The following SGCZ variants were observed in gnomAD, a reference collection of about 807,000 sequenced individuals.
SGCZ encodes sarcoglycan zeta, also known as zeta-sarcoglycan.
In SGCZ, 40 loss-of-function variants were observed where a neutral mutation model predicts 41.3. The observed-to-expected ratio is 0.97, with a 90% CI of 0.75 to 1.26. The LOEUF (loss-of-function observed/expected upper bound fraction) is 1.26. Ranked by LOEUF, SGCZ falls within the 50% of genes most tolerant of loss-of-function variation. The pLI, the probability that SGCZ is intolerant of heterozygous loss-of-function variation, is 0.00. For missense variants in SGCZ, 552 were observed against 369.8 expected (o/e 1.49, Z -4.04); for synonymous variants, 206 against 137.5 (o/e 1.50, Z -3.49).
At chr8:15,173,159 A>G (rs1401458708) in intron 1 of SGCZ, among the ~76,000 whole-genome samples, 2 of 152,226 alleles carry the variant, frequency 1.3e-5, no homozygotes, top group Non-Finnish European at 2.9e-5. Flanking sequence ...CTGACTTACT[A>G]TTTGTGTGAC....
chr8:14,455,485 C>G (rs1800715527), intron 2 of SGCZ, among the ~76,000 whole-genome samples: 1 of 151,178 alleles, frequency 6.6e-6, no homozygotes, highest in South Asian at 2.1e-4. Flanking sequence ...CACACACACA[C>G]ACACACGCAT....
intron 2 of SGCZ, among the ~76,000 whole-genome samples, chr8:14,534,816 T>C (rs1235331537): frequency 6.6e-6 from 1 of 151,984 alleles, no homozygotes; most frequent in Non-Finnish European, 1.5e-5. Flanking sequence ...CTGATACTAC[T>C]AATATTGTGA....
At chr8:14,701,214 G>A (rs779663015) in intron 1 of SGCZ, among the ~76,000 whole-genome samples, 20 of 151,926 alleles carry the variant, frequency 1.3e-4, no homozygotes, top group Non-Finnish European at 2.9e-4. Context: ...AAAGGTAGTT[G>A]CAGCATGGGA....
intron 1 of SGCZ, among the ~76,000 whole-genome samples, chr8:14,990,552 G>C (rs1801976329): frequency 6.6e-6 from 1 of 151,928 alleles, no homozygotes. Context: ...TGCTCCTTAT[G>C]AGAATCCAAT....
At chr8:14,878,874 A>G (rs1037844746) in intron 1 of SGCZ, among the ~76,000 whole-genome samples, 1 of 152,210 alleles carries the variant, frequency 6.6e-6, no homozygotes, top group African/African-American at 2.4e-5. Context: ...ATGTGAATAC[A>G]TTAGTGAAAG....
chr8:14,971,971 G>T (rs536252935), intron 1 of SGCZ, among the ~76,000 whole-genome samples: 2 of 152,006 alleles, frequency 1.3e-5, no homozygotes, highest in Admixed American at 6.6e-5. Context: ...GTGTCCATGT[G>T]CATAAGGTAT....
At chr8:15,194,483 T>C (rs1800654049) in intron 1 of SGCZ, among the ~76,000 whole-genome samples, 2 of 152,176 alleles carry the variant, frequency 1.3e-5, no homozygotes, top group Admixed American at 1.3e-4. Flanking sequence ...CACCTTACCT[T>C]GCAAAAGGGA....
At chr8:15,220,738 C>T (rs948413972) in intron 1 of SGCZ, among the ~76,000 whole-genome samples, 5 of 152,068 alleles carry the variant, frequency 3.3e-5, no homozygotes, top group African/African-American at 1.2e-4. Context: ...GCACTATTTA[C>T]AATAGCAAAG....
chr8:15,015,464 C>T (rs1276793022), intron 1 of SGCZ, among the ~76,000 whole-genome samples: 4 of 151,936 alleles, frequency 2.6e-5, no homozygotes, highest in East Asian at 1.9e-4. Flanking sequence ...CTTTGGGAGG[C>T]CAAGGCGGGT....
At position 14,217,637 on chromosome 8, in the gene SGCZ, T is replaced by G. The variant is rs566972233; in HGVS notation, c.424+19955A>C. On this transcript the variant is annotated intron_variant, in intron 4 of 7. Coordinates refer to ENST00000382080, the MANE Select transcript of SGCZ (RefSeq NM_139167.4). ...TTTAAATTCAACTAAAGTTTTTTTTTTTTTTTTTTTTTTTGAGACAGAGTC... is the reference window on the plus strand; with the variant it reads ...TTTAAATTCAACTAAAGTTTTTTTTGTTTTTTTTTTTTTTGAGACAGAGTC... 7.2e-3 allele frequency among the ~76,000 whole-genome samples: 935 copies of G among 129,866 alleles called. 7 individuals carry two copies. The highest frequency in any genetic ancestry group is 0.011 in the Non-Finnish European group (643 of 56,226). 85.2% of individuals were successfully genotyped at this position (129,866 alleles called of 152,430 possible).
chr8:14,917,759 T>C (rs1428506380), intron 1 of SGCZ, among the ~76,000 whole-genome samples: 1 of 152,122 alleles, frequency 6.6e-6, no homozygotes, highest in Non-Finnish European at 1.5e-5. Flanking sequence ...ATGCTTTCTG[T>C]CTTCATTTGG....
At chr8:14,420,234 T>C (rs1585485533) in intron 2 of SGCZ, among the ~76,000 whole-genome samples, 1 of 152,054 alleles carries the variant, frequency 6.6e-6, no homozygotes, top group African/African-American at 2.4e-5. Context: ...TTGTTTGTTT[T>C]AATGATTCTC....
intron 7 of SGCZ, among the ~76,000 whole-genome samples, chr8:14,096,056 C>A (rs1400575220): frequency 6.6e-6 from 1 of 152,100 alleles, no homozygotes; most frequent in African/African-American, 2.4e-5. Context: ...CAAACAGAGA[C>A]AATTTGCCTT....
chr8:15,165,183 A>C (rs1481086989), intron 1 of SGCZ, among the ~76,000 whole-genome samples: 1 of 152,078 alleles, frequency 6.6e-6, no homozygotes, highest in African/African-American at 2.4e-5. Flanking sequence ...CCAGCTACTC[A>C]GGAGGCTGAG....
At chr8:14,187,211 T>C (rs2117037240) in intron 4 of SGCZ, among the ~76,000 whole-genome samples, 1 of 152,288 alleles carries the variant, frequency 6.6e-6, no homozygotes, top group Non-Finnish European at 1.5e-5. Flanking sequence ...AAACAAGTTC[T>C]AAGAGTTGGG....
intron 3 of SGCZ, among the ~76,000 whole-genome samples, chr8:14,243,516 T>G (rs1450242577): frequency 6.6e-6 from 1 of 152,234 alleles, no homozygotes; most frequent in East Asian, 1.9e-4. Context: ...GATTGATTCC[T>G]AACTCTCAGC....
At chr8:14,254,387 G>A (rs971943647) in intron 3 of SGCZ, among the ~76,000 whole-genome samples, 1 of 152,222 alleles carries the variant, frequency 6.6e-6, no homozygotes, top group Non-Finnish European at 1.5e-5. Flanking sequence ...ATCAAATGGT[G>A]CCCTGCACTG....
intron 1 of SGCZ, among the ~76,000 whole-genome samples, chr8:15,224,352 C>G (rs569450187): frequency 2.6e-5 from 4 of 152,002 alleles, no homozygotes; most frequent in African/African-American, 9.7e-5. Context: ...TTCTCATTTG[C>G]AACATGAGAA....
At chr8:14,846,693 C>A (rs1803117215) in intron 1 of SGCZ, among the ~76,000 whole-genome samples, 1 of 103,790 alleles carries the variant, frequency 9.6e-6, no homozygotes, top group South Asian at 3.3e-4. Context: ...TAGCTAAAAC[C>A]CTTTAAATCC....
Sources: gnomAD v4.1 joint callset for allele counts (sites outside exome capture counted in the v4.1 genomes callset) on GRCh38, gnomAD v4.1.1 for gene constraint, MANE v1.5 for transcripts, NCBI Gene and HGNC (gene_info 2026-07-23, HGNC 2026-07-21) for gene names.